The following ANKRD6 variants were observed in gnomAD, a reference collection of about 807,000 sequenced individuals.
ANKRD6 encodes ankyrin repeat domain-containing protein 6.
A neutral mutation model predicts 82.3 loss-of-function variants in ANKRD6; 56 were observed. The ratio of observed to expected loss-of-function variants is 0.68; its 90% CI spans 0.55 to 0.85. ANKRD6 has a LOEUF of 0.85. ANKRD6 is among the 40% of genes least tolerant of loss of function. The probability of loss-of-function intolerance (pLI) is 0.00; values close to 1 mark genes in which losing one functional copy is unlikely to be tolerated. For missense variants in ANKRD6, 852 were observed against 907.6 expected (o/e 0.94, Z 0.79); for synonymous variants, 347 against 352.1 (o/e 0.99, Z 0.16).
chr6:89,615,711 G>A (rs1287287748), intron 7 of ANKRD6, among the ~76,000 whole-genome samples: 1 of 152,056 alleles, frequency 6.6e-6, no homozygotes, highest in Non-Finnish European at 1.5e-5. Context: ...TGCTACCCAG[G>A]AAAAAAGTAT....
intron 1 of ANKRD6, among the ~76,000 whole-genome samples, chr6:89,536,351 G>A (rs1341888326): frequency 6.6e-6 from 1 of 152,194 alleles, no homozygotes; most frequent in Non-Finnish European, 1.5e-5. Context: ...TTTCCAGGCG[G>A]GCTGCCTCTG....
At chr6:89,608,068 T>TG (rs1387684771) in intron 5 of ANKRD6, among the ~76,000 whole-genome samples, 1 of 152,238 alleles carries the variant, frequency 6.6e-6, no homozygotes, top group Non-Finnish European at 1.5e-5. Context: ...ACTGTGCCCA[T>TG]GCCAAGAGAT....
chr6:89,555,064 CT>C (rs1786388951), intron 1 of ANKRD6, among the ~76,000 whole-genome samples: 1 of 116,842 alleles, frequency 8.6e-6, no homozygotes, highest in South Asian at 4.2e-4. Flanking sequence ...TCCTCCCCCC[CT>C]TCTCTTCTCA....
At chr6:89,464,788 C>T (rs1774633650) in intron 1 of ANKRD6, among the ~76,000 whole-genome samples, 1 of 152,166 alleles carries the variant, frequency 6.6e-6, no homozygotes, top group Non-Finnish European at 1.5e-5. Flanking sequence ...CCTACCTTGG[C>T]CTTTGAAGCA....
intron 1 of ANKRD6, among the ~76,000 whole-genome samples, chr6:89,546,943 A>G (rs1273231142): frequency 1.3e-5 from 2 of 151,760 alleles, no homozygotes; most frequent in Non-Finnish European, 2.9e-5. Context: ...GTGAAATATC[A>G]CTTTTAAGAA....
intron 1 of ANKRD6, among the ~76,000 whole-genome samples, chr6:89,456,367 G>A (rs1477429196): frequency 6.6e-6 from 1 of 152,172 alleles, no homozygotes; most frequent in Admixed American, 6.5e-5. Context: ...ATAAACAATA[G>A]CAGTTTATTT....
rs530068070 is a variant in ANKRD6 at position 89,447,854 on chromosome 6, A to ATTTTTTTTTTTTTTTTTT, written c.-144+14490_-144+14491insTTTTTTTTTTTTTTTTTT. On this transcript the variant is annotated intron_variant, in intron 1 of 15. Coordinates refer to ENST00000339746, the MANE Select transcript of ANKRD6 (RefSeq NM_001242809.2). ...AGGCATGTGCCACCACGCCCAGCTA[A>ATTTTTTTTTTTTTTTTTT]TTTTTTTTTTTCAGTAGAGATGGGG... Among the ~76,000 whole-genome samples, 61 of 118,986 alleles carry ATTTTTTTTTTTTTTTTTT rather than the reference A, an allele frequency of 5.1e-4. 7 individuals carry two copies. The highest frequency in any genetic ancestry group is 2.6e-3 in the South Asian group (10 of 3,874). The allele number at this position is 118,986 out of a possible 152,430, so 78.1% of individuals were successfully genotyped here.
chr6:89,479,168 GGGCATCAT>G (rs1562595362), intron 1 of ANKRD6, among the ~76,000 whole-genome samples: 4 of 152,314 alleles, frequency 2.6e-5, no homozygotes, highest in South Asian at 4.1e-4. Flanking sequence ...GCGATAAACA[GGGCATCAT>G]GGGAGGCTAG....
At position 89,629,139 on chromosome 6, in the gene ANKRD6, T is replaced by C. The variant is rs1806703615; in HGVS notation, c.1513T>C (p.Trp505Arg). Residue 505 changes from tryptophan (W) to arginine (R), a missense_variant, in exon 15 of 16, where the codon TGG (tryptophan) becomes CGG (arginine). By Grantham distance (101) the Trp-to-Arg change is moderately radical (BLOSUM62 -3). Coordinates refer to ENST00000339746, the MANE Select transcript of ANKRD6 (RefSeq NM_001242809.2). The part of the protein sequence containing the change: ...QISLVDELKT[W>R]CMLKIQNLEQ... ...ATCCTTGGTGGATGAATTAAAAACC[T>C]GGTGCATGTTAAAGATTCAGAATCT... 1 of 1,613,576 alleles carries C rather than the reference T, an allele frequency of 6.2e-7. No individual in the cohort carries two copies. Among genetic ancestry groups the C allele is most frequent in the Non-Finnish European group, 8.5e-7 (1 of 1,179,802 alleles).
chr6:89,555,268 G>C (rs1786435665), intron 1 of ANKRD6, among the ~76,000 whole-genome samples: 2 of 151,840 alleles, frequency 1.3e-5, no homozygotes, highest in African/African-American at 4.8e-5. Flanking sequence ...ACATGGAGAA[G>C]CCTTTTTACT....
In ANKRD6 at chr6:89,433,712, T is replaced by TG. The variant is rs1770250474; in HGVS notation, c.-144+342dup. On this transcript the variant is annotated intron_variant, in intron 1 of 15. Coordinates refer to ENST00000339746, the MANE Select transcript of ANKRD6 (RefSeq NM_001242809.2). This position sits in a 1 kb window ranked among gnomAD's most constrained non-coding sequence, Gnocchi z 4.3. ...CGCTTGCAGTTTGAAGGAAGGGCGGTGGGGGCGGGGGTCCGAGTACCCCGC... is the reference window on the plus strand; with the variant it reads ...CGCTTGCAGTTTGAAGGAAGGGCGGTGGGGGGCGGGGGTCCGAGTACCCCGC... 6.6e-6 allele frequency among the ~76,000 whole-genome samples: 1 copy of TG among 151,800 alleles called. No homozygotes were observed. The highest frequency in any genetic ancestry group is 6.6e-5 in the Admixed American group (1 of 15,264).
intron 2 of ANKRD6, among the ~76,000 whole-genome samples, chr6:89,569,790 G>C (rs762422225): frequency 1.8e-4 from 28 of 152,040 alleles, no homozygotes; most frequent in Non-Finnish European, 3.7e-4. Context: ...CTTTTTCATA[G>C]TTATCTTTAG....
At chr6:89,559,409 A>G (rs1787069823) in intron 1 of ANKRD6, among the ~76,000 whole-genome samples, 1 of 152,198 alleles carries the variant, frequency 6.6e-6, no homozygotes, top group Non-Finnish European at 1.5e-5. Flanking sequence ...CACAGCAAGC[A>G]AGAATGATCC....
At chr6:89,502,013 T>G (rs1779324928) in intron 1 of ANKRD6, among the ~76,000 whole-genome samples, 1 of 152,220 alleles carries the variant, frequency 6.6e-6, no homozygotes, top group African/African-American at 2.4e-5. Flanking sequence ...CTGCAGATGA[T>G]TAACACTTTC....
intron 1 of ANKRD6, among the ~76,000 whole-genome samples, chr6:89,564,789 T>C (rs1192117398): frequency 1.3e-5 from 2 of 151,978 alleles, no homozygotes; most frequent in African/African-American, 4.8e-5. Flanking sequence ...TAAATACCCA[T>C]TGCAAGAAAG....
chr6:89,482,106 T>G (rs1252782177), intron 1 of ANKRD6, among the ~76,000 whole-genome samples: 23 of 152,234 alleles, frequency 1.5e-4, no homozygotes, highest in Admixed American at 1.5e-3. Flanking sequence ...TCCCCGCCTT[T>G]GCTTCTAAGT....
In ANKRD6 at chr6:89,630,740, C is replaced by A; in HGVS notation, c.1920C>A (p.Ser640Arg). Residue 640 changes from serine to arginine, a missense_variant, in exon 16 of 16, where the codon AGC becomes AGA. By Grantham distance (110) the Ser-to-Arg change is moderately radical (BLOSUM62 -1). Coordinates refer to ENST00000339746, the MANE Select transcript of ANKRD6 (RefSeq NM_001242809.2). ...RHRAQQPAASSTCGQPPPATG... is the reference protein window; with the variant it reads ...RHRAQQPAASRTCGQPPPATG... ...GTGCCCAGCAACCCGCAGCCAGCAG[C>A]ACCTGTGGGCAGCCGCCACCAGCCA... 1.2e-6 allele frequency: 2 copies of A among 1,613,826 alleles called. No homozygotes were observed. Among genetic ancestry groups the A allele is most frequent in the Non-Finnish European group, 1.7e-6 (2 of 1,179,866 alleles).
At chr6:89,515,082 C>T (rs1583027781) in intron 1 of ANKRD6, among the ~76,000 whole-genome samples, 1 of 152,160 alleles carries the variant, frequency 6.6e-6, no homozygotes, top group Non-Finnish European at 1.5e-5. Flanking sequence ...GTCTTCTGGA[C>T]ATCAGACCTT....
At chr6:89,554,491 A>T (rs928462091) in intron 1 of ANKRD6, among the ~76,000 whole-genome samples, 1 of 152,042 alleles carries the variant, frequency 6.6e-6, no homozygotes, top group African/African-American at 2.4e-5. Context: ...GGGGACTAAG[A>T]CATGGACATA....
Sources: allele counts gnomAD v4.1 joint callset (sites outside exome capture counted in the v4.1 genomes callset), GRCh38; gene constraint gnomAD v4.1.1; non-coding constraint Gnocchi (gnomAD v3.1); transcripts MANE v1.5; gene names NCBI Gene and HGNC (gene_info 2026-07-23, HGNC 2026-07-21).